Variants in LRRTM4 observed in about 807,000 individuals in gnomAD.
LRRTM4 encodes leucine rich repeat transmembrane neuronal 4.
A neutral mutation model predicts 47.6 loss-of-function variants in LRRTM4; 25 were observed. That is an observed-to-expected ratio of 0.53 (90% CI 0.38 to 0.73). The LOEUF (loss-of-function observed/expected upper bound fraction) is 0.73. Ranked by LOEUF, LRRTM4 falls within the 30% of genes least tolerant of loss-of-function variation. The pLI, the probability that LRRTM4 is intolerant of heterozygous loss-of-function variation, is 0.00. For synonymous variants in LRRTM4, 311 were observed against 269.5 expected (o/e 1.15, Z -1.51); for missense variants, 638 against 713.4 (o/e 0.89, Z 1.20).
At chr2:77,039,745 G>A (rs1678961812) in intron 3 of LRRTM4, among the ~76,000 whole-genome samples, 1 of 150,946 alleles carries the variant, frequency 6.6e-6, no homozygotes. Context: ...TCATTTCTAA[G>A]AAATATTATT....
intron 3 of LRRTM4, among the ~76,000 whole-genome samples, chr2:77,070,843 C>G (rs1384557712): frequency 1.3e-5 from 2 of 152,122 alleles, no homozygotes; most frequent in Admixed American, 1.3e-4. Context: ...GTTGGCCAGG[C>G]TGGTCTCGAA....
chr2:76,987,163 GTAT>G (rs1325347808), intron 3 of LRRTM4, among the ~76,000 whole-genome samples: 14 of 151,594 alleles, frequency 9.2e-5, no homozygotes, highest in African/African-American at 2.9e-4. Context: ...GTCTTTTACA[GTAT>G]TATTAATTTT....
intron 3 of LRRTM4, among the ~76,000 whole-genome samples, chr2:77,291,314 CAAAT>C: frequency 6.6e-6 from 1 of 151,890 alleles, no homozygotes; most frequent in Non-Finnish European, 1.5e-5. Flanking sequence ...AAAGTTTTGT[CAAAT>C]AAAGTGTTAA....
chr2:77,281,448 C>A (rs1178111923), intron 3 of LRRTM4, among the ~76,000 whole-genome samples: 1 of 151,898 alleles, frequency 6.6e-6, no homozygotes, highest in Non-Finnish European at 1.5e-5. Context: ...TATCTCCAAA[C>A]TTCTGAAGAA....
intron 3 of LRRTM4, among the ~76,000 whole-genome samples, chr2:77,144,408 T>C (rs537677720): frequency 5.2e-4 from 79 of 151,690 alleles, no homozygotes; most frequent in Non-Finnish European, 9.1e-4. Flanking sequence ...ATAACAAGGC[T>C]GCTGCATGGG....
At chr2:77,353,479 T>C (rs1671859240) in intron 3 of LRRTM4, among the ~76,000 whole-genome samples, 1 of 152,166 alleles carries the variant, frequency 6.6e-6, no homozygotes, top group Non-Finnish European at 1.5e-5. Flanking sequence ...TATTACCTAT[T>C]ATTAGGCTTT....
chr2:77,445,031 G>A (rs1675997046), intron 3 of LRRTM4, among the ~76,000 whole-genome samples: 1 of 150,748 alleles, frequency 6.6e-6, no homozygotes, highest in Admixed American at 6.6e-5. Flanking sequence ...GATTTTTGCA[G>A]GGAAATATTG....
At chr2:77,140,855 A>C (rs1672100316) in intron 3 of LRRTM4, among the ~76,000 whole-genome samples, 1 of 152,234 alleles carries the variant, frequency 6.6e-6, no homozygotes, top group Non-Finnish European at 1.5e-5. Context: ...TATGCAGCCA[A>C]CAGACACATG....
intron 3 of LRRTM4, among the ~76,000 whole-genome samples, chr2:76,759,806 A>G (rs1673186452): frequency 6.6e-6 from 1 of 152,054 alleles, no homozygotes; most frequent in Non-Finnish European, 1.5e-5. Flanking sequence ...CGTAAATGTC[A>G]TGCTTCTAGA....
chr2:76,749,465 CTTTTA>C (rs1304177308), intron 3 of LRRTM4, among the ~76,000 whole-genome samples: 1 of 151,936 alleles, frequency 6.6e-6, no homozygotes, highest in Non-Finnish European at 1.5e-5. Context: ...TCATGTGTAA[CTTTTA>C]TTTAGTTTTA....
intron 3 of LRRTM4, among the ~76,000 whole-genome samples, chr2:76,787,229 G>T (rs1291260412): frequency 6.6e-6 from 1 of 152,116 alleles, no homozygotes; most frequent in South Asian, 2.1e-4. Flanking sequence ...CATGTTGATT[G>T]TGTGGGAAAA....
rs553880884 is a variant in LRRTM4 at position 77,201,377 on chromosome 2, T to C, written c.1551+316941A>G. ...CTAGAGTTAGTTAAATTCCATATGCTAACTTTGGTTATATGATGTTTATCT... is the reference window on the plus strand; with the variant it reads ...CTAGAGTTAGTTAAATTCCATATGCCAACTTTGGTTATATGATGTTTATCT... On this transcript the variant is annotated intron_variant, in intron 3 of 3. Coordinates refer to ENST00000409884, the MANE Select transcript of LRRTM4 (RefSeq NM_001134745.3). Among the ~76,000 whole-genome samples the C allele has an allele frequency of 3.1e-3, 467 of 152,262 alleles. 4 individuals are homozygous for C. The highest frequency in any genetic ancestry group is 0.011 in the African/African-American group (454 of 41,574).
chr2:76,919,456 A>G (rs1044157311), intron 3 of LRRTM4, among the ~76,000 whole-genome samples: 2 of 152,162 alleles, frequency 1.3e-5, no homozygotes, highest in Admixed American at 1.3e-4. Flanking sequence ...TGAAGACAAA[A>G]CTTTCTTGAG....
At chr2:76,909,129 C>T (rs532468296) in intron 3 of LRRTM4, among the ~76,000 whole-genome samples, 1 of 152,312 alleles carries the variant, frequency 6.6e-6, no homozygotes, top group Admixed American at 6.5e-5. Flanking sequence ...CAGCATGGCA[C>T]TGGCACCAAA....
At chr2:77,018,887 C>G (rs867217429) in intron 3 of LRRTM4, among the ~76,000 whole-genome samples, 1 of 151,854 alleles carries the variant, frequency 6.6e-6, no homozygotes, top group Non-Finnish European at 1.5e-5. Flanking sequence ...ATATTTTAGT[C>G]TAATTTTACA....
At chr2:77,143,092 T>C (rs1672168467) in intron 3 of LRRTM4, among the ~76,000 whole-genome samples, 1 of 152,212 alleles carries the variant, frequency 6.6e-6, no homozygotes, top group Admixed American at 6.5e-5. Flanking sequence ...ATCTGTATTA[T>C]GGACTGGATT....
chr2:77,300,666 A>G (rs534989408), intron 3 of LRRTM4, among the ~76,000 whole-genome samples: 47 of 152,316 alleles, frequency 3.1e-4, no homozygotes, highest in African/African-American at 1.1e-3. Context: ...ATCTTCATGT[A>G]TTGATTAATT....
chr2:77,470,803 A>G (rs2103992152), intron 3 of LRRTM4, among the ~76,000 whole-genome samples: 1 of 152,292 alleles, frequency 6.6e-6, no homozygotes, highest in East Asian at 1.9e-4. Context: ...TTTAGATTAT[A>G]TGGATTAGGA....
chr2:76,840,151 C>A (rs539189915), intron 3 of LRRTM4, among the ~76,000 whole-genome samples: 4 of 152,060 alleles, frequency 2.6e-5, no homozygotes, highest in Admixed American at 6.6e-5. Flanking sequence ...AGAAGTATAA[C>A]GTGAAGACAG....
Sources: gnomAD v4.1 joint callset for allele counts (sites outside exome capture counted in the v4.1 genomes callset) on GRCh38, gnomAD v4.1.1 for gene constraint, MANE v1.5 for transcripts, NCBI Gene and HGNC (gene_info 2026-07-23, HGNC 2026-07-21) for gene names.